MAPK8: variants seen among roughly 807,000 people sequenced by gnomAD.
MAPK8 encodes mitogen-activated protein kinase 8.
A neutral mutation model predicts 52.9 loss-of-function variants in MAPK8; 13 were observed. That is an observed-to-expected ratio of 0.25 (90% CI 0.16 to 0.39). MAPK8 has a LOEUF of 0.39. Among genes scored for constraint, MAPK8 ranks in the 10% least tolerant of loss-of-function variants. MAPK8 has a pLI of 1.00. For missense variants in MAPK8, 300 were observed against 519.2 expected, an observed-to-expected ratio of 0.58 and a Z score of 4.10; for synonymous variants, 191 against 169.8, an observed-to-expected ratio of 1.12 and a Z score of -0.97.
At chr10:48,358,401 TTGCCTCA>T (rs1459640163) in intron 1 of MAPK8, among the ~76,000 whole-genome samples, 1 of 152,242 alleles carries the variant, frequency 6.6e-6, no homozygotes, top group Non-Finnish European at 1.5e-5. Context: ...TGATTTGTAT[TTGCCTCA>T]TGGGGTAATG....
At chr10:48,389,309 T>C (rs535537669) in intron 1 of MAPK8, among the ~76,000 whole-genome samples, 1 of 152,140 alleles carries the variant, frequency 6.6e-6, no homozygotes, top group South Asian at 2.1e-4. Context: ...AAATTCTTAC[T>C]ATATTCTGAA....
At chr10:48,413,819 A>T (rs1305593072) in intron 5 of MAPK8, among the ~76,000 whole-genome samples, 2 of 70,350 alleles carry the variant, frequency 2.8e-5, no homozygotes, top group Non-Finnish European at 5.6e-5. Context: ...GAATTGTTAT[A>T]TATATATATA....
In MAPK8 at chr10:48,420,193, C is replaced by T. The variant is rs1346041693; in HGVS notation, c.489C>T (p.Cys163=). 1 of 1,613,388 alleles carries T rather than the reference C, an allele frequency of 6.2e-7. No homozygotes were observed. Residue 163 remains cysteine, a synonymous_variant, in exon 6 of 12, where the codon TGC becomes TGT. Coordinates refer to ENST00000374189, the MANE Select transcript of MAPK8 (RefSeq NM_001323329.2). ...KPSNIVVKSD[C]TLKILDFGLA... is the part of the protein sequence containing the mutation. ...GTAATATAGTAGTAAAATCTGATTG[C>T]ACTTTGAAGATTCTTGACTTCGGTC...
intron 1 of MAPK8, among the ~76,000 whole-genome samples, chr10:48,373,507 G>A (rs116982594): frequency 0.066 from 8,990 of 136,646 alleles, 696 homozygotes; most frequent in Admixed American, 0.26. Flanking sequence ...CCCATTTCAC[G>A]TGCAAAGACA....
At chr10:48,330,943 A>G (rs1349334680) in intron 1 of MAPK8, among the ~76,000 whole-genome samples, 3 of 152,160 alleles carry the variant, frequency 2.0e-5, no homozygotes, top group Non-Finnish European at 4.4e-5. Flanking sequence ...GACTGCCAGT[A>G]CTTAGATTTG....
At chr10:48,354,793 TA>T (rs145042796) in intron 1 of MAPK8, among the ~76,000 whole-genome samples, 1 of 148,296 alleles carries the variant, frequency 6.7e-6, no homozygotes, top group South Asian at 2.1e-4. Flanking sequence ...GTAGGTGATC[TA>T]AAAAAAAAAC....
chr10:48,313,116 A>G (rs943410120), intron 1 of MAPK8, among the ~76,000 whole-genome samples: 5 of 152,168 alleles, frequency 3.3e-5, no homozygotes, highest in Non-Finnish European at 5.9e-5. Context: ...CTCATGATTA[A>G]ACACATTAAC....
intron 8 of MAPK8, 147 bp from the exon 9 acceptor site, chr10:48,426,233 C>A: frequency 3.5e-6 from 3 of 849,112 alleles, no homozygotes; most frequent in Non-Finnish European, 5.0e-6. Flanking sequence ...TTTCTTTAAT[C>A]TTATATATTT....
intron 1 of MAPK8, among the ~76,000 whole-genome samples, chr10:48,392,721 CTATGT>C (rs1299983550): frequency 1.3e-5 from 2 of 151,974 alleles, no homozygotes; most frequent in Admixed American, 6.6e-5. Context: ...CAGGTTGTCT[CTATGT>C]TATATGTGTT....
chr10:48,388,135 CT>C (rs2041421502), intron 1 of MAPK8, among the ~76,000 whole-genome samples: 1 of 152,138 alleles, frequency 6.6e-6, no homozygotes, highest in Admixed American at 6.6e-5. Context: ...AATGTTCCTT[CT>C]TGCCTGCCAG....
At chr10:48,390,684 T>C (rs1015816542) in intron 1 of MAPK8, among the ~76,000 whole-genome samples, 1 of 152,210 alleles carries the variant, frequency 6.6e-6, no homozygotes, top group Non-Finnish European at 1.5e-5. Flanking sequence ...CAGCCTGATA[T>C]ATAAAGATAT....
At chr10:48,374,784 T>C (rs1163998330) in intron 1 of MAPK8, among the ~76,000 whole-genome samples, 5 of 152,160 alleles carry the variant, frequency 3.3e-5, no homozygotes, top group Non-Finnish European at 7.3e-5. Context: ...ACCAGATGGA[T>C]TCACAGTTGA....
chr10:48,375,857 T>C (rs1233970127), intron 1 of MAPK8, among the ~76,000 whole-genome samples: 1 of 152,122 alleles, frequency 6.6e-6, no homozygotes, highest in Non-Finnish European at 1.5e-5. Flanking sequence ...CAAAGTACCA[T>C]TGACTTTCTT....
At chr10:48,434,162 AG>A (rs1452612429) in intron 11 of MAPK8, among the ~76,000 whole-genome samples, 4 of 152,160 alleles carry the variant, frequency 2.6e-5, no homozygotes, top group Non-Finnish European at 5.9e-5. Flanking sequence ...CTTTCGGCAA[AG>A]GAAACTGTTT....
intron 5 of MAPK8, among the ~76,000 whole-genome samples, chr10:48,415,103 T>C (rs2042992558): frequency 6.6e-6 from 1 of 152,190 alleles, no homozygotes; most frequent in Admixed American, 6.5e-5. Context: ...ATATTACATA[T>C]ACAGCTGCTC....
chr10:48,433,611 C>T (rs1370809536), intron 11 of MAPK8, among the ~76,000 whole-genome samples: 1 of 152,196 alleles, frequency 6.6e-6, no homozygotes, highest in Non-Finnish European at 1.5e-5. Context: ...CCATCACATG[C>T]TTTGTCTCTT....
rs1035626313 is a variant in MAPK8, at chr10:48,435,049, G to C, written c.*20G>C. ...AGATGACTACTTGGGCCATCGGGGG[G>C]TGGGAGGGATGGGGAGTCGGTTAGT... On this transcript the variant is annotated 3_prime_UTR_variant, in exon 12 of 12. Coordinates refer to ENST00000374189, the MANE Select transcript of MAPK8 (RefSeq NM_001323329.2). 6.8e-7 allele frequency: 1 copy of C among 1,463,306 alleles called. No individual in the cohort carries two copies. The highest frequency in any genetic ancestry group is 9.3e-7 in the Non-Finnish European group (1 of 1,079,980). The allele number at this position is 1,463,306 out of a possible 1,614,324, so 90.6% of individuals were successfully genotyped here.
intron 1 of MAPK8, among the ~76,000 whole-genome samples, chr10:48,313,460 C>T (rs1055189900): frequency 1.3e-5 from 2 of 151,976 alleles, no homozygotes; most frequent in Non-Finnish European, 2.9e-5. Flanking sequence ...CAACAACACC[C>T]AGAAATAATC....
chr10:48,359,908 A>G (rs992954632), intron 1 of MAPK8, among the ~76,000 whole-genome samples: 3 of 152,250 alleles, frequency 2.0e-5, no homozygotes, highest in African/African-American at 7.2e-5. Context: ...GTTCAGCTAC[A>G]TTGTTTTGGA....
Sources: gnomAD v4.1 joint callset for allele counts (sites outside exome capture counted in the v4.1 genomes callset) on GRCh38, gnomAD v4.1.1 for gene constraint, MANE v1.5 for transcripts, NCBI Gene and HGNC (gene_info 2026-07-23, HGNC 2026-07-21) for gene names.